KSR2: variants seen among roughly 807,000 people sequenced by gnomAD.
The protein encoded by KSR2 is kinase suppressor of ras 2.
Under a neutral mutation model 107.8 loss-of-function variants are expected in KSR2, and 25 were observed. The ratio of observed to expected loss-of-function variants is 0.23; its 90% confidence interval spans 0.17 to 0.32. The LOEUF (loss-of-function observed/expected upper bound fraction) is 0.32. KSR2 is among the 10% of genes least tolerant of loss of function. The probability of loss-of-function intolerance (pLI) is 1.00; values close to 1 mark genes in which losing one functional copy is unlikely to be tolerated. For missense variants in KSR2, 887 were observed against 1,268.9 expected, an observed-to-expected ratio of 0.70 and a Z score of 4.57; for synonymous variants, 480 against 507.0, an observed-to-expected ratio of 0.95 and a Z score of 0.71.
At chr12:117,829,655 A>G (rs1352149817) in intron 3 of KSR2, among the ~76,000 whole-genome samples, 1 of 152,212 alleles carries the variant, frequency 6.6e-6, no homozygotes, top group African/African-American at 2.4e-5. Flanking sequence ...AACATTTTCT[A>G]TAAAGGACTG....
intron 19 of KSR2, among the ~76,000 whole-genome samples, chr12:117,468,220 C>T (rs1014897704): frequency 6.6e-6 from 1 of 152,228 alleles, no homozygotes; most frequent in Non-Finnish European, 1.5e-5. Context: ...CAGTGAGTAC[C>T]TGCTATGTTG....
chr12:117,607,074 G>T (rs909249219), intron 5 of KSR2, among the ~76,000 whole-genome samples: 2 of 152,146 alleles, frequency 1.3e-5, no homozygotes, highest in Non-Finnish European at 2.9e-5. Flanking sequence ...CACCTGCAGT[G>T]TGATTTGTCC....
intron 4 of KSR2, among the ~76,000 whole-genome samples, chr12:117,752,111 AAAC>A (rs1367945255): frequency 6.6e-6 from 1 of 152,244 alleles, no homozygotes; most frequent in Non-Finnish European, 1.5e-5. Flanking sequence ...GTTTCCATGC[AAAC>A]AACAAATGAT....
intron 3 of KSR2, among the ~76,000 whole-genome samples, chr12:117,778,338 G>A (rs1446096590): frequency 2.6e-5 from 4 of 152,080 alleles, no homozygotes; most frequent in African/African-American, 9.7e-5. Context: ...TGATCTGCCC[G>A]CCTCGGCCTC....
chr12:117,606,374 TC>T, intron 5 of KSR2, among the ~76,000 whole-genome samples: 1 of 68,724 alleles, frequency 1.5e-5, no homozygotes, highest in African/African-American at 5.9e-5. Flanking sequence ...CCTTCCTCCC[TC>T]CCTCCCCTCC....
chr12:117,708,361 T>C (rs1886611926), intron 4 of KSR2, among the ~76,000 whole-genome samples: 1 of 151,968 alleles, frequency 6.6e-6, no homozygotes, highest in Non-Finnish European at 1.5e-5. Flanking sequence ...AACCAGGAGG[T>C]AGTGGCTGAG....
intron 4 of KSR2, among the ~76,000 whole-genome samples, chr12:117,720,040 T>C (rs1320793937): frequency 6.6e-6 from 1 of 152,178 alleles, no homozygotes; most frequent in Non-Finnish European, 1.5e-5. Flanking sequence ...AACTTGAAGT[T>C]TGGAAGCTTG....
intron 1 of KSR2, among the ~76,000 whole-genome samples, chr12:117,939,738 A>T (rs1197378566): frequency 6.6e-6 from 1 of 151,096 alleles, no homozygotes; most frequent in South Asian, 2.1e-4. Flanking sequence ...ACAAAAAACG[A>T]TGTGAAACGT....
intron 5 of KSR2, among the ~76,000 whole-genome samples, chr12:117,641,043 TA>T (rs2136403876): frequency 6.6e-6 from 1 of 152,338 alleles, no homozygotes; most frequent in South Asian, 2.1e-4. Flanking sequence ...CTGGATGGCT[TA>T]AAACAATGGA....
At chr12:117,672,001 T>C (rs756160474) in intron 4 of KSR2, among the ~76,000 whole-genome samples, 1 of 152,228 alleles carries the variant, frequency 6.6e-6, no homozygotes, top group Non-Finnish European at 1.5e-5. Flanking sequence ...AGTCTAAGCA[T>C]GCCTGCAAAG....
chr12:117,822,834 A>G (rs1007002169), intron 3 of KSR2, among the ~76,000 whole-genome samples: 42 of 152,160 alleles, frequency 2.8e-4, no homozygotes, highest in African/African-American at 9.9e-4. Context: ...TTGCCTTCAC[A>G]CCATCATGAA....
chr12:117,513,395 C>G (rs1480474155), intron 14 of KSR2, among the ~76,000 whole-genome samples: 1 of 152,198 alleles, frequency 6.6e-6, no homozygotes, highest in African/African-American at 2.4e-5. Flanking sequence ...GATCAAGCAA[C>G]TGGAGCCAGG....
intron 1 of KSR2, among the ~76,000 whole-genome samples, chr12:117,927,126 A>T (rs1226804495): frequency 6.6e-6 from 1 of 152,212 alleles, no homozygotes; most frequent in Non-Finnish European, 1.5e-5. Flanking sequence ...AATCAATCCC[A>T]GCACTTTGGG....
chr12:117,458,407 T>TG lies in KSR2; in HGVS notation c.*8791_*8792insC, dbSNP rs1241078323. 1 of 151,798 alleles carries TG rather than the reference T, an allele frequency of 6.6e-6. No homozygotes were observed. Among genetic ancestry groups the TG allele is most frequent in the Non-Finnish European group, 1.5e-5 (1 of 67,944 alleles). The allele number at this position is 151,798 out of a possible 1,614,324, so 9.4% of individuals were successfully genotyped here. On this transcript the variant is annotated 3_prime_UTR_variant, in exon 20 of 20. Transcript: ENST00000339824. ...ACTAGAAGAACTAGCCAAGCTGGTTTTTTTTTTTTAAGTGGTGGAAAAGAA... is the reference window on the plus strand; with the variant it reads ...ACTAGAAGAACTAGCCAAGCTGGTTTGTTTTTTTTTAAGTGGTGGAAAAGAA...
chr12:117,897,526 G>A lies in KSR2; in HGVS notation c.181-37095C>T, dbSNP rs1682787601. On this transcript the variant is annotated intron_variant, in intron 1 of 19. Coordinates refer to ENST00000339824, the MANE Select transcript of KSR2 (RefSeq NM_173598.6). This position sits in a 1 kb window ranked among gnomAD's most constrained non-coding sequence, Gnocchi z 4.5. Reference sequence around the variant, plus strand: ...TCCTGTGATTCCCAGGAGAGGGGCCGCACTCTGTCTTCACGCTGTCCCCAT... The same window carrying A: ...TCCTGTGATTCCCAGGAGAGGGGCCACACTCTGTCTTCACGCTGTCCCCAT... Among the ~76,000 whole-genome samples the A allele has an allele frequency of 6.6e-6, 1 of 152,094 alleles. No homozygotes were observed. The highest frequency in any genetic ancestry group is 2.1e-4 in the South Asian group (1 of 4,822).
chr12:117,947,187 A>AAAGAAAAG (rs1346063076), intron 1 of KSR2, among the ~76,000 whole-genome samples: 1 of 102,550 alleles, frequency 9.8e-6, no homozygotes, highest in Non-Finnish European at 2.1e-5. Flanking sequence ...AGAAAGAAAG[A>AAAGAAAAG]AAAGAAAGAA....
intron 1 of KSR2, among the ~76,000 whole-genome samples, chr12:117,931,740 T>C (rs1395188496): frequency 6.6e-6 from 1 of 152,184 alleles, no homozygotes; most frequent in African/African-American, 2.4e-5. Flanking sequence ...GAGAAGTTCA[T>C]TCAGAAAACC....
At chr12:117,951,000 C>T (rs561710005) in intron 1 of KSR2, among the ~76,000 whole-genome samples, 3 of 151,826 alleles carry the variant, frequency 2.0e-5, no homozygotes, top group Non-Finnish European at 4.4e-5. Flanking sequence ...TGTAAGCTCC[C>T]GGATTCATGC....
rs537549343 is a variant in KSR2 at position 117,455,984 on chromosome 12, T to G, written c.*11215A>C. The G allele has an allele frequency of 2.0e-5, 3 of 152,278 alleles. No individual in the cohort carries two copies. Among genetic ancestry groups the G allele is most frequent in the African/African-American group, 7.2e-5 (3 of 41,578 alleles). The allele number at this position is 152,278 out of a possible 1,614,324, so 9.4% of individuals were successfully genotyped here. On this transcript the variant is annotated 3_prime_UTR_variant, in exon 20 of 20. Transcript: ENST00000339824. ...ACAGCATGCCTGACATGCCACCATA[T>G]GGGCTTCTGGCCTCTGTGCTCCAAG...
Sources: allele counts gnomAD v4.1 joint callset (sites outside exome capture counted in the v4.1 genomes callset), GRCh38; gene constraint gnomAD v4.1.1; non-coding constraint Gnocchi (gnomAD v3.1); transcripts MANE v1.5; gene names NCBI Gene and HGNC (gene_info 2026-07-23, HGNC 2026-07-21).